The following LAMA5 variants were observed in gnomAD, a reference collection of about 807,000 sequenced individuals.
LAMA5 encodes laminin subunit alpha 5.
In LAMA5, 260 loss-of-function variants were observed where a neutral mutation model predicts 433.4. The observed-to-expected ratio is 0.60, with a 90% CI of 0.54 to 0.66. The LOEUF is 0.66. Ranked by LOEUF, LAMA5 falls within the 30% of genes least tolerant of loss-of-function variation. The pLI, the probability that LAMA5 is intolerant of heterozygous loss-of-function variation, is 0.00. For synonymous variants in LAMA5, 2,620 were observed against 2,226.6 expected, an observed-to-expected ratio of 1.18 and a Z score of -4.97; for missense variants, 5,378 against 5,258.5, an observed-to-expected ratio of 1.02 and a Z score of -0.70.
In LAMA5 at chr20:62,314,323, C is replaced by G; in HGVS notation, c.8485G>C (p.Ala2829Pro). ...SIDEDIGEQF[A>P]AVSLDRTLQF... ...TCCCACCTGTCCAGGCTGACAGCTG[C>G]GAACTGCTCCCCAATGTCCTCATCG... The change falls in exon 62 of 80, where the codon GCA becomes CCA. Residue 2829 changes from alanine to proline, a missense_variant. Transcript: ENST00000252999. The G allele has an allele frequency of 6.2e-7, 1 of 1,613,198 alleles. No homozygotes were observed. Among genetic ancestry groups the G allele is most frequent in the South Asian group, 1.1e-5 (1 of 91,078 alleles).
chr20:62,322,542 C>T (rs553246268), intron 46 of LAMA5, 93 bp from the exon 47 acceptor site: 133 of 1,452,116 alleles, frequency 9.2e-5, no homozygotes, highest in Non-Finnish European at 1.2e-4. Context: ...GGCCCCACCC[C>T]CTGAGGCTCT....
intron 46 of LAMA5, 96 bp downstream of exon 46, chr20:62,322,562 A>G: frequency 7.0e-7 from 1 of 1,419,078 alleles, no homozygotes; most frequent in South Asian, 1.3e-5. Context: ...TGCCCATCAA[A>G]CACTGCCCCT....
intron 57 of LAMA5, 33 bp from the exon 58 acceptor site, chr20:62,316,091 C>T: frequency 6.7e-7 from 1 of 1,485,370 alleles, no homozygotes; most frequent in Non-Finnish European, 9.3e-7. Context: ...TCCCAGGCAG[C>T]TTCACCCCCA....
rs552574559 is a variant in LAMA5 at position 62,334,110 on chromosome 20, C to T, written c.2740-71G>A. On this transcript the variant is annotated intron_variant, in intron 22 of 79. Coordinates refer to ENST00000252999, the MANE Select transcript of LAMA5 (RefSeq NM_005560.6). ...GCCTGAGGCCTGGGCCTTCAAGGGG[C>T]CTGCCCACCCCTCCCTGCCAGCCAC... 6 of 1,585,084 alleles carry T rather than the reference C, an allele frequency of 3.8e-6. No homozygotes were observed. In the East Asian group the frequency reaches 1.1e-4, roughly 30 times the overall value.
chr20:62,324,681 C>G lies in LAMA5; in HGVS notation c.5530-127G>C. The G allele has an allele frequency of 1.5e-6, 1 of 673,542 alleles. No homozygotes were observed. Among genetic ancestry groups the G allele is most frequent in the Non-Finnish European group, 2.7e-6 (1 of 370,406 alleles). The allele number at this position is 673,542 out of a possible 1,614,324, so 41.7% of individuals were successfully genotyped here. Reference sequence around the variant, plus strand: ...GCACTGGGAACCCGTGGAGCATGGTCACCGCTGGGTCAGAGGCTGGTCAGG... The same window carrying G: ...GCACTGGGAACCCGTGGAGCATGGTGACCGCTGGGTCAGAGGCTGGTCAGG... On this transcript the variant is annotated intron_variant, in intron 41 of 79. Transcript: ENST00000252999. This position sits in a 1 kb window ranked among gnomAD's most constrained non-coding sequence, Gnocchi z 4.4.
intron 18 of LAMA5, among the ~76,000 whole-genome samples, chr20:62,335,540 ACACT>A (rs1433883306): frequency 7.2e-6 from 1 of 139,182 alleles, no homozygotes; most frequent in Non-Finnish European, 1.5e-5. Flanking sequence ...CCTCTAGAGC[ACACT>A]CAGACTCCAG....
In LAMA5 at chr20:62,323,824, C is replaced by A. The variant is rs757083578; in HGVS notation, c.5801G>T (p.Arg1934Leu). The stretch of plus-strand genomic sequence containing the variant: ...ACCAGGTTTGCAGAGGCACTGGGTG[C>A]GGCCGCCTCGCAGGACACAGCCCTC... Reference protein sequence around the residue: ...FAEGCVLRGGRTQCLCKPGYA... With the variant: ...FAEGCVLRGGLTQCLCKPGYA... The change falls in exon 44 of 80, where the codon CGC (arginine) becomes CTC (leucine). Residue 1934 changes from arginine to leucine, a missense_variant. Coordinates refer to ENST00000252999, the MANE Select transcript of LAMA5 (RefSeq NM_005560.6). The A allele has an allele frequency of 2.5e-6, 4 of 1,609,888 alleles. No individual in the cohort carries two copies. In the Admixed American group the frequency reaches 5.0e-5, roughly 20 times the overall value.
At chr20:62,334,395 G>A in intron 21 of LAMA5, 53 bp from the exon 22 acceptor site, 1 of 1,536,470 alleles carries the variant, frequency 6.5e-7, no homozygotes, top group East Asian at 2.4e-5. Context: ...ACCTAGCCCT[G>A]CACAGCGGCC....
rs1004080815 is a variant in LAMA5 at position 62,364,177 on chromosome 20, G to A, written c.298-1625C>T. Among the ~76,000 whole-genome samples the A allele has an allele frequency of 3.3e-5, 5 of 152,298 alleles. No homozygotes were observed. The East Asian group carries it at 7.7e-4, about 24-fold the overall frequency. On this transcript the variant is annotated intron_variant, in intron 1 of 79. Transcript: ENST00000252999. ...GCGCCACGACCCCTACCCGCAGGCC[G>A]CACTGCAAGCTTTGATGGTGGCCCC...
intron 1 of LAMA5, among the ~76,000 whole-genome samples, chr20:62,365,005 C>T (rs768984206): frequency 6.6e-6 from 1 of 152,278 alleles, no homozygotes; most frequent in African/African-American, 2.4e-5. Flanking sequence ...GCCCAATCCG[C>T]GGCCAGGGCG....
At chr20:62,354,650 A>G (rs145786240) in intron 2 of LAMA5, among the ~76,000 whole-genome samples, 1 of 152,194 alleles carries the variant, frequency 6.6e-6, no homozygotes, top group East Asian at 1.9e-4. Flanking sequence ...GGCACACAGG[A>G]GGGGGCGGTG....
intron 32 of LAMA5, among the ~76,000 whole-genome samples, chr20:62,329,515 T>C (rs1979952865): frequency 6.6e-6 from 1 of 152,160 alleles, no homozygotes; most frequent in African/African-American, 2.4e-5. Context: ...GGCCACGCCT[T>C]CCTCTTCCCT....
rs1023545462 is a variant in LAMA5, at chr20:62,324,830, A to C, written c.5530-276T>G. 6.1e-6 allele frequency: 3 copies of C among 490,022 alleles called. No individual in the cohort carries two copies. The highest frequency in any genetic ancestry group is 3.7e-5 in the East Asian group (1 of 27,144). The allele number at this position is 490,022 out of a possible 1,614,324, so 30.4% of individuals were successfully genotyped here. A position where few individuals can be genotyped will look rare whatever the true frequency, so the allele number is the denominator to read the frequency against. On this transcript the variant is annotated intron_variant, in intron 41 of 79. Coordinates refer to ENST00000252999, the MANE Select transcript of LAMA5 (RefSeq NM_005560.6). This position sits in a 1 kb window ranked among gnomAD's most constrained non-coding sequence, Gnocchi z 4.4. Reference sequence around the variant, plus strand: ...CAGGCCTTGGGGCTGGTGACCACCCACTCCATGTGGACCAGGGCCTACTCT... The same window carrying C: ...CAGGCCTTGGGGCTGGTGACCACCCCCTCCATGTGGACCAGGGCCTACTCT...
chr20:62,334,615 C>T lies in LAMA5; in HGVS notation c.2489G>A (p.Arg830Gln), dbSNP rs1317328135. 1.8e-5 allele frequency: 28 copies of T among 1,546,380 alleles called. No individual in the cohort carries two copies. Among genetic ancestry groups the T allele is most frequent in the Middle Eastern group, 1.7e-4 (1 of 5,942 alleles). ...GCCCAGTGCACCGCCAATGTCACAC[C>T]GGCAGCCTGCAGGGAGAAGGTGGGA... Reference protein sequence around the residue: ...QADYFGCRSCRCDIGGALGQS... With the variant: ...QADYFGCRSCQCDIGGALGQS... Residue 830 changes from arginine to glutamine, a missense_variant, in exon 21 of 80, where the codon CGG becomes CAG. Transcript: ENST00000252999.
rs1291374044 is a variant in LAMA5, at chr20:62,346,187, A to G, written c.1311T>C (p.Asp437=). The G allele has an allele frequency of 6.2e-7, 1 of 1,612,630 alleles. No homozygotes were observed. The highest frequency in any genetic ancestry group is 1.7e-5 in the Admixed American group (1 of 59,960). Residue 437 remains aspartate (D), a synonymous_variant, in exon 10 of 80, where the codon GAT becomes GAC. Coordinates refer to ENST00000252999, the MANE Select transcript of LAMA5 (RefSeq NM_005560.6). ...RRCNCESDFT[D]GTCEDLTGRC... is the part of the protein sequence containing the mutation. ...GACCCGTCAGGTCCTCGCAGGTGCC[A>G]TCCGTGAAGTCGGACTCGCAGTTGC...
chr20:62,333,326 G>C lies in LAMA5; in HGVS notation c.3128+49C>G, dbSNP rs765770375. 15 of 1,600,824 alleles carry C rather than the reference G, an allele frequency of 9.4e-6. No individual in the cohort carries two copies. In the South Asian group the frequency reaches 1.7e-4, roughly 18 times the overall value. On this transcript the variant is annotated intron_variant, in intron 25 of 79. Transcript: ENST00000252999. Reference sequence around the variant, plus strand: ...TGAGTGGGGGAAGCCAGGCACAGTGGGGGTCCAGGAAGCCCCCACCCCGGT... The same window carrying C: ...TGAGTGGGGGAAGCCAGGCACAGTGCGGGTCCAGGAAGCCCCCACCCCGGT...
chr20:62,334,404 C>G, intron 21 of LAMA5, 62 bp from the exon 22 acceptor site: 1 of 1,526,520 alleles, frequency 6.6e-7, no homozygotes, highest in Middle Eastern at 2.2e-4. Context: ...TGCACAGCGG[C>G]CCCGGGTCTC....
chr20:62,326,898 G>C lies in LAMA5; in HGVS notation c.5181C>G (p.Val1727=), dbSNP rs1303902459. The C allele has an allele frequency of 6.2e-7, 1 of 1,612,302 alleles. No homozygotes were observed. The highest frequency in any genetic ancestry group is 1.7e-5 in the Admixed American group (1 of 59,970). ...CCACATCCGGCCTGCTCTCCATGGG[G>C]ACAAAGACATCTCCCCGCTGGGTCT... ...HSETQRGDVF[V]PMESRPDVVL... Residue 1727 remains valine, a synonymous_variant, in exon 39 of 80, where the codon GTC becomes GTG. Transcript: ENST00000252999.
At chr20:62,328,746 TA>T in intron 34 of LAMA5, 97 bp downstream of exon 34, 1 of 1,238,910 alleles carries the variant, frequency 8.1e-7, no homozygotes, top group Non-Finnish European at 1.1e-6. Flanking sequence ...TGCCAGGCTC[TA>T]GAACATTCTC....
Sources: gnomAD v4.1 joint callset for allele counts (sites outside exome capture counted in the v4.1 genomes callset) on GRCh38, gnomAD v4.1.1 for gene constraint, Gnocchi (gnomAD v3.1) non-coding constraint, MANE v1.5 for transcripts, NCBI Gene and HGNC (gene_info 2026-07-23, HGNC 2026-07-21) for gene names.